Variants in DOCK5 observed in about 807,000 individuals in gnomAD.
DOCK5 encodes dedicator of cytokinesis protein 5.
Under a neutral mutation model 251.8 loss-of-function variants are expected in DOCK5, and 142 were observed. That is an observed-to-expected ratio of 0.56 (90% confidence interval 0.49 to 0.65). The LOEUF (loss-of-function observed/expected upper bound fraction) is 0.65, where lower values mean the gene tolerates loss of function less well. Ranked by LOEUF, DOCK5 falls within the 30% of genes least tolerant of loss-of-function variation. The pLI is 0.00. For synonymous variants in DOCK5, 842 were observed against 835.5 expected (o/e 1.01, Z -0.13); for missense variants, 2,111 against 2,312.3 (o/e 0.91, Z 1.79).
chr8:25,278,760 A>G (rs1056255457), intron 5 of DOCK5, 95 bp downstream of exon 5: 41 of 1,053,020 alleles, frequency 3.9e-5, no homozygotes, highest in Non-Finnish European at 5.3e-5. Flanking sequence ...TGCTGACTTC[A>G]TGGAGTGGGA....
Position 25,413,539 on chromosome 8 carries a change from A to G in DOCK5, c.*2241A>G, listed in dbSNP as rs943145153. 1 of 152,144 alleles carries G rather than the reference A, an allele frequency of 6.6e-6. No homozygotes were observed. Among genetic ancestry groups the G allele is most frequent in the South Asian group, 2.1e-4 (1 of 4,832 alleles). The allele number at this position is 152,144 out of a possible 1,614,324, so 9.4% of individuals were successfully genotyped here. ...TCACCCAGCAGACCGGCTAGAGGGG[A>G]TTTGTGTGCCACACTCTACTTGCCG... On this transcript the variant is annotated 3_prime_UTR_variant, in exon 52 of 52. Coordinates refer to ENST00000276440, the MANE Select transcript of DOCK5 (RefSeq NM_024940.8).
intron 1 of DOCK5, among the ~76,000 whole-genome samples, chr8:25,204,055 A>G (rs751105406): frequency 3.3e-5 from 5 of 152,148 alleles, no homozygotes; most frequent in Admixed American, 6.5e-5. Context: ...TTGGAAGATT[A>G]GAGGGTTTGT....
chr8:25,341,639 T>C (rs1805958531), intron 23 of DOCK5, 100 bp from the exon 24 acceptor site: 1 of 954,938 alleles, frequency 1.0e-6, no homozygotes, highest in Admixed American at 2.3e-5. Flanking sequence ...CAGTTCCCTA[T>C]ATAAGTTCCA....
rs541260988 is a variant in DOCK5 at position 25,374,627 on chromosome 8, G to A, written c.3789G>A (p.Thr1263=). The A allele has an allele frequency of 2.5e-5, 40 of 1,613,692 alleles. No homozygotes were observed. The highest frequency in any genetic ancestry group is 1.6e-4 in the Middle Eastern group (1 of 6,062). ...AGAACTACACAGAAGCTGCCTACAC[G>A]CTTCTCTTGCACGCTGAGCTTCTGC... ...DCENYTEAAY[T]LLLHAELLQW... The change falls in exon 37 of 52, where the codon ACG becomes ACA. Residue 1263 remains threonine, a synonymous_variant. Transcript: ENST00000276440.
At chr8:25,222,738 C>T (rs919568187) in intron 1 of DOCK5, among the ~76,000 whole-genome samples, 7 of 152,174 alleles carry the variant, frequency 4.6e-5, no homozygotes, top group African/African-American at 1.4e-4. Flanking sequence ...CCTCATCTTC[C>T]GCAAGCACCA....
At position 25,377,473 on chromosome 8, in the gene DOCK5, AG is replaced by A. The variant is rs200089403; in HGVS notation, c.3936+50del. 1.3e-4 allele frequency: 202 copies of A among 1,583,632 alleles called. No individual in the cohort carries two copies. In the East Asian group the frequency reaches 4.3e-3, roughly 34 times the overall value. On this transcript the variant is annotated intron_variant, in intron 38 of 51. Transcript: ENST00000276440. Reference sequence around the variant, plus strand: ...CTAGGGGAAAGAGGAAAATGACCGCAGTATCGCAATACAATTCTGATGCTCA... The same window carrying A: ...CTAGGGGAAAGAGGAAAATGACCGCATATCGCAATACAATTCTGATGCTCA...
At chr8:25,377,186 G>A in intron 37 of DOCK5, 119 bp from the exon 38 acceptor site, 1 of 1,355,344 alleles carries the variant, frequency 7.4e-7, no homozygotes, top group Non-Finnish European at 9.7e-7. Flanking sequence ...TAACTTTTGT[G>A]TTTAATACAT....
rs889686254 is a variant in DOCK5, at chr8:25,302,506, T to C, written c.976+52T>C. On this transcript the variant is annotated intron_variant, in intron 10 of 51. Transcript: ENST00000276440. The stretch of plus-strand genomic sequence containing the variant: ...TGAAATAGTGCAGTGCTGTGGAAAA[T>C]AGCATGGCGATTTCTCAAAAAATTA... 7 of 1,437,512 alleles carry C rather than the reference T, an allele frequency of 4.9e-6. No homozygotes were observed. In the East Asian group the frequency reaches 1.9e-4, roughly 38 times the overall value. The allele number at this position is 1,437,512 out of a possible 1,614,324, so 89.0% of individuals were successfully genotyped here. A position where few individuals can be genotyped will look rare whatever the true frequency, so the allele number is the denominator to read the frequency against.
At chr8:25,301,800 C>T (rs1198715011) in intron 9 of DOCK5, among the ~76,000 whole-genome samples, 1 of 152,218 alleles carries the variant, frequency 6.6e-6, no homozygotes, top group Non-Finnish European at 1.5e-5. Context: ...CACTGATAAG[C>T]TCTCAATAGA....
chr8:25,369,618 A>G lies in DOCK5; in HGVS notation c.3501A>G (p.Gln1167=), dbSNP rs1445997801. ...TAGAAGGGGGCAGAGGAGACGAACA[A>G]TACAAGGTTCTTCTGGAAAAACTGT... ...QEVEGGRGDE[Q]YKVLLEKLLL... Residue 1167 remains glutamine, a synonymous_variant, in exon 34 of 52, where the codon CAA becomes CAG. Transcript: ENST00000276440. 4 of 1,610,748 alleles carry G rather than the reference A, an allele frequency of 2.5e-6. No homozygotes were observed. The highest frequency in any genetic ancestry group is 2.2e-5 in the South Asian group (2 of 90,180).
chr8:25,187,596 T>C (rs1377045021), intron 1 of DOCK5, among the ~76,000 whole-genome samples: 1 of 151,986 alleles, frequency 6.6e-6, no homozygotes, highest in Admixed American at 6.6e-5. Flanking sequence ...ACCTCCTTGC[T>C]TATGTTTATG....
intron 45 of DOCK5, among the ~76,000 whole-genome samples, chr8:25,398,600 GC>G (rs1354807356): frequency 2.0e-5 from 3 of 152,152 alleles, no homozygotes; most frequent in Non-Finnish European, 4.4e-5. Context: ...TCTCGTCCTG[GC>G]TTCTGGTGTC....
chr8:25,346,128 G>A (rs950919516), intron 26 of DOCK5, among the ~76,000 whole-genome samples: 1 of 151,872 alleles, frequency 6.6e-6, no homozygotes, highest in Non-Finnish European at 1.5e-5. Flanking sequence ...GGGATTACAG[G>A]CATGAGCCAT....
chr8:25,215,400 A>AGG (rs1188561053), intron 1 of DOCK5, among the ~76,000 whole-genome samples: 1 of 152,038 alleles, frequency 6.6e-6, no homozygotes, highest in Non-Finnish European at 1.5e-5. Flanking sequence ...AGAGAGAGAG[A>AGG]GGCACAGAAC....
At chr8:25,201,904 A>C (rs1338718308) in intron 1 of DOCK5, among the ~76,000 whole-genome samples, 1 of 152,184 alleles carries the variant, frequency 6.6e-6, no homozygotes, top group Non-Finnish European at 1.5e-5. Context: ...TTGGCTCAGA[A>C]CCTGTCCTCA....
At position 25,268,522 on chromosome 8, in the gene DOCK5, G is replaced by A. The variant is rs77526016; in HGVS notation, c.128-323G>A. Among the ~76,000 whole-genome samples, 496 of 152,290 alleles carry A rather than the reference G, an allele frequency of 3.3e-3. 7 individuals are homozygous for A. The highest frequency in any genetic ancestry group is 0.011 in the African/African-American group (475 of 41,568). ...ATGCAAAAACATTTATTAAATGACT[G>A]TAAGGTATTAGGGTGATAAGAAACG... On this transcript the variant is annotated intron_variant, in intron 2 of 51. Transcript: ENST00000276440.
At chr8:25,289,173 T>C (rs2117146670) in intron 5 of DOCK5, among the ~76,000 whole-genome samples, 1 of 152,310 alleles carries the variant, frequency 6.6e-6, no homozygotes. Flanking sequence ...TTTGGATGTT[T>C]TCAGCCCTGT....
At chr8:25,260,576 T>C (rs1273295109) in intron 2 of DOCK5, among the ~76,000 whole-genome samples, 1 of 152,218 alleles carries the variant, frequency 6.6e-6, no homozygotes, top group African/African-American at 2.4e-5. Flanking sequence ...TATTCATGAC[T>C]TTCTCTTTTG....
At chr8:25,209,186 C>CTA (rs1319646024) in intron 1 of DOCK5, among the ~76,000 whole-genome samples, 5 of 18,646 alleles carry the variant, frequency 2.7e-4, no homozygotes, top group Non-Finnish European at 1.8e-3. Flanking sequence ...TTAGCGCCGT[C>CTA]ATCCCTGTCT....
Sources: allele counts gnomAD v4.1 joint callset (sites outside exome capture counted in the v4.1 genomes callset), GRCh38; gene constraint gnomAD v4.1.1; transcripts MANE v1.5; gene names NCBI Gene and HGNC (gene_info 2026-07-23, HGNC 2026-07-21).